The following LAMC1 variants were observed in gnomAD, a reference collection of about 807,000 sequenced individuals.
LAMC1 encodes laminin subunit gamma 1, also known as laminin subunit gamma-1.
A neutral mutation model predicts 173.6 loss-of-function variants in LAMC1; 38 were observed. The ratio of observed to expected loss-of-function variants is 0.22; its 90% CI spans 0.17 to 0.29. The LOEUF is 0.29. LAMC1 is among the 10% of genes least tolerant of loss of function. The pLI is 1.00. For synonymous variants in LAMC1, 746 were observed against 749.1 expected (o/e 1.00, Z 0.07); for missense variants, 1,824 against 2,051.8 (o/e 0.89, Z 2.14).
intron 1 of LAMC1, among the ~76,000 whole-genome samples, chr1:183,035,462 C>T (rs1019579398): frequency 2.0e-5 from 3 of 152,206 alleles, no homozygotes; most frequent in African/African-American, 2.4e-5. Context: ...GCTGGGGTTA[C>T]AGGTGTAAGC....
chr1:183,099,862 C>T (rs1310211085), intron 1 of LAMC1, among the ~76,000 whole-genome samples: 1 of 152,154 alleles, frequency 6.6e-6, no homozygotes, highest in Non-Finnish European at 1.5e-5. Flanking sequence ...GCAGGCATCC[C>T]AGAACTAGTG....
intron 1 of LAMC1, among the ~76,000 whole-genome samples, chr1:183,089,981 A>G (rs1655524848): frequency 6.6e-6 from 1 of 152,200 alleles, no homozygotes; most frequent in South Asian, 2.1e-4. Context: ...AAAGGGGCCC[A>G]GTTTACCTGG....
chr1:183,061,367 G>GTT (rs5779152), intron 1 of LAMC1, among the ~76,000 whole-genome samples: 56,729 of 148,366 alleles, frequency 0.38, 11,115 homozygotes, highest in East Asian at 0.49. Flanking sequence ...TTTGGTTGGT[G>GTT]TTTTTTTTTT....
At chr1:183,096,056 C>T (rs1461512010) in intron 1 of LAMC1, among the ~76,000 whole-genome samples, 1 of 152,114 alleles carries the variant, frequency 6.6e-6, no homozygotes, top group East Asian at 1.9e-4. Context: ...CTCCAGTTTA[C>T]TGAAGTGTAT....
intron 1 of LAMC1, among the ~76,000 whole-genome samples, chr1:183,046,693 A>G (rs1399653224): frequency 6.6e-6 from 1 of 151,922 alleles, no homozygotes; most frequent in Non-Finnish European, 1.5e-5. Flanking sequence ...TATTCTAATA[A>G]TTTGTCTTTA....
intron 1 of LAMC1, among the ~76,000 whole-genome samples, chr1:183,071,884 G>T (rs757495694): frequency 1.3e-5 from 2 of 152,174 alleles, no homozygotes; most frequent in Non-Finnish European, 2.9e-5. Flanking sequence ...ATTCTGTCCA[G>T]TTGACGAAAA....
chr1:183,123,535 C>T (rs1189210633), intron 13 of LAMC1, among the ~76,000 whole-genome samples: 9 of 152,178 alleles, frequency 5.9e-5, no homozygotes, highest in Admixed American at 1.3e-4. Flanking sequence ...AAACTTTCTT[C>T]CCTTGGATAT....
At chr1:183,075,688 A>G (rs927050856) in intron 1 of LAMC1, among the ~76,000 whole-genome samples, 1 of 152,134 alleles carries the variant, frequency 6.6e-6, no homozygotes, top group Non-Finnish European at 1.5e-5. Flanking sequence ...TTGTTTACTC[A>G]TTTTGGATAC....
chr1:183,061,853 T>G (rs1180054676), intron 1 of LAMC1, among the ~76,000 whole-genome samples: 1 of 152,250 alleles, frequency 6.6e-6, no homozygotes, highest in Non-Finnish European at 1.5e-5. Context: ...TATTGAATGC[T>G]CATAATACCT....
At chr1:183,127,644 G>C (rs1405322875) in intron 17 of LAMC1, among the ~76,000 whole-genome samples, 1 of 152,178 alleles carries the variant, frequency 6.6e-6, no homozygotes, top group African/African-American at 2.4e-5. Context: ...TTTATGTAAG[G>C]CCTCTCTACA....
rs1656046830 is a variant in LAMC1 at position 183,108,288 on chromosome 1, G to A, written c.736G>A (p.Ala246Thr). 6.2e-7 allele frequency: 1 copy of A among 1,613,050 alleles called. No homozygotes were observed. The highest frequency in any genetic ancestry group is 1.3e-5 in the African/African-American group (1 of 74,874). Residue 246 changes from alanine to threonine, a missense_variant, in exon 3 of 28, where the codon GCC becomes ACC. Physicochemically the swap from Ala to Thr is moderately conservative, Grantham distance 58. Transcript: ENST00000258341. ...NSPVLQEWVT[A>T]TDIRVTLNRL... ...TGCTTCCTGACAGGAATGGGTAACT[G>A]CCACTGACATCAGAGTAACTCTTAA...
At position 183,110,400 on chromosome 1, in the gene LAMC1, C is replaced by T. The variant is rs943085136; in HGVS notation, c.855-88C>T. 4 of 1,026,528 alleles carry T rather than the reference C, an allele frequency of 3.9e-6. No individual in the cohort carries two copies. In the African/African-American group the frequency reaches 6.4e-5, roughly 17 times the overall value. 63.6% of individuals were successfully genotyped at this position (1,026,528 alleles called of 1,614,324 possible). A position where few individuals can be genotyped will look rare whatever the true frequency, so the allele number is the denominator to read the frequency against. On this transcript the variant is annotated intron_variant, in intron 3 of 27. Transcript: ENST00000258341. ...CAGTTTACACTTTTGAATGGTAAAACTTACTTCTTTGTGTACATAGTTTTT... is the reference window on the plus strand; with the variant it reads ...CAGTTTACACTTTTGAATGGTAAAATTTACTTCTTTGTGTACATAGTTTTT...
Position 183,023,593 on chromosome 1 carries a change from C to A in LAMC1, c.-124C>A. 1.4e-6 allele frequency: 1 copy of A among 699,144 alleles called. No homozygotes were observed. Among genetic ancestry groups the A allele is most frequent in the Non-Finnish European group, 1.9e-6 (1 of 536,990 alleles). The allele number at this position is 699,144 out of a possible 1,614,324, so 43.3% of individuals were successfully genotyped here. A position where few individuals can be genotyped will look rare whatever the true frequency, so the allele number is the denominator to read the frequency against. On this transcript the variant is annotated 5_prime_UTR_variant, in exon 1 of 28. Transcript: ENST00000258341. ...CGGCGCGAGCCGCCGCCACCGCCCGCGCCGGAGTCAGGCCCCTGGGCCCCC... is the reference window on the plus strand; with the variant it reads ...CGGCGCGAGCCGCCGCCACCGCCCGAGCCGGAGTCAGGCCCCTGGGCCCCC...
At chr1:183,055,667 A>G (rs917785867) in intron 1 of LAMC1, among the ~76,000 whole-genome samples, 1 of 151,862 alleles carries the variant, frequency 6.6e-6, no homozygotes, top group South Asian at 2.1e-4. Flanking sequence ...CAAAAATGAG[A>G]TGGGCATGGT....
intron 1 of LAMC1, among the ~76,000 whole-genome samples, chr1:183,026,685 A>G (rs1053952807): frequency 6.6e-6 from 1 of 152,226 alleles, no homozygotes; most frequent in Non-Finnish European, 1.5e-5. Context: ...AGAGCATGTG[A>G]AGCTAGAAAT....
intron 1 of LAMC1, among the ~76,000 whole-genome samples, chr1:183,086,488 G>A (rs1040972326): frequency 8.7e-5 from 13 of 149,174 alleles, no homozygotes; most frequent in African/African-American, 2.7e-4. Flanking sequence ...CTTGTCCCTC[G>A]TGGCTAGATG....
chr1:183,113,690 G>C (rs6669796), intron 4 of LAMC1, among the ~76,000 whole-genome samples: 52,830 of 151,842 alleles, frequency 0.35, 10,403 homozygotes, highest in East Asian at 0.49. Flanking sequence ...TTCATCTGTC[G>C]TGGCACTAAT....
chr1:183,032,384 A>G (rs1571398520), intron 1 of LAMC1, among the ~76,000 whole-genome samples: 1 of 152,144 alleles, frequency 6.6e-6, no homozygotes, highest in South Asian at 2.1e-4. Context: ...CTTTGTTTCC[A>G]TCTGTGTGTG....
At chr1:183,052,517 A>G (rs1426740537) in intron 1 of LAMC1, among the ~76,000 whole-genome samples, 4 of 152,066 alleles carry the variant, frequency 2.6e-5, no homozygotes, top group Non-Finnish European at 5.9e-5. Flanking sequence ...TATTTTTAGT[A>G]GAGGTGGAGT....
Sources: allele counts gnomAD v4.1 joint callset (sites outside exome capture counted in the v4.1 genomes callset), GRCh38; gene constraint gnomAD v4.1.1; transcripts MANE v1.5; gene names NCBI Gene and HGNC (gene_info 2026-07-23, HGNC 2026-07-21).